PCDHA1: variants seen among roughly 807,000 people sequenced by gnomAD.
PCDHA1 encodes the protein protocadherin alpha 1.
Under a neutral mutation model 61.3 loss-of-function variants are expected in PCDHA1, and 42 were observed. The ratio of observed to expected loss-of-function variants is 0.69; its 90% CI spans 0.54 to 0.89. The LOEUF (loss-of-function observed/expected upper bound fraction) is 0.89. Ranked by LOEUF, PCDHA1 falls within the 40% of genes least tolerant of loss-of-function variation. The probability of loss-of-function intolerance (pLI) is 0.00; values close to 1 mark genes in which losing one functional copy is unlikely to be tolerated. For synonymous variants in PCDHA1, 610 were observed against 553.8 expected (o/e 1.10, Z -1.43); for missense variants, 1,256 against 1,235.3 (o/e 1.02, Z -0.25).
intron 1 of PCDHA1, among the ~76,000 whole-genome samples, chr5:140,977,388 T>C (rs1187960215): frequency 6.6e-6 from 1 of 152,248 alleles, no homozygotes; most frequent in East Asian, 1.9e-4. Flanking sequence ...TCCAGGTTTA[T>C]AAAATGATTT....
At chr5:140,926,371 G>A (rs1220733947) in intron 1 of PCDHA1, 1 of 152,352 alleles carries the variant, frequency 6.6e-6, no homozygotes, top group East Asian at 1.9e-4. Flanking sequence ...GCGGCAGGAA[G>A]AGCCCAGCTG....
chr5:140,950,556 A>G (rs2094497175), intron 1 of PCDHA1, among the ~76,000 whole-genome samples: 2 of 152,036 alleles, frequency 1.3e-5, no homozygotes, highest in Non-Finnish European at 2.9e-5. Context: ...CTGGGGGGAC[A>G]CTTATTTTAA....
At chr5:140,974,108 C>G (rs977903039) in intron 1 of PCDHA1, among the ~76,000 whole-genome samples, 1 of 152,182 alleles carries the variant, frequency 6.6e-6, no homozygotes, top group Non-Finnish European at 1.5e-5. Flanking sequence ...TAAAAGTATT[C>G]TTTTGCAGTG....
At chr5:140,982,589 T>C in intron 3 of PCDHA1, 26 bp downstream of exon 3, 1 of 1,610,940 alleles carries the variant, frequency 6.2e-7, no homozygotes, top group Non-Finnish European at 8.5e-7. Context: ...CTCTCCATTC[T>C]TTCTTGGTTT....
chr5:140,971,642 A>G (rs1586490477), intron 1 of PCDHA1, among the ~76,000 whole-genome samples: 1 of 152,330 alleles, frequency 6.6e-6, no homozygotes, highest in East Asian at 1.9e-4. Flanking sequence ...ATGTGCCTAC[A>G]TTAAAAGTAG....
chr5:140,902,465 T>C (rs535908878), intron 1 of PCDHA1, among the ~76,000 whole-genome samples: 4 of 152,280 alleles, frequency 2.6e-5, no homozygotes, highest in Non-Finnish European at 4.4e-5. Flanking sequence ...AGAAAAGGCT[T>C]TGAGTTTTTG....
intron 1 of PCDHA1, chr5:140,823,910 T>C: frequency 6.2e-7 from 1 of 1,613,972 alleles, no homozygotes. Flanking sequence ...CTGCTGGTGC[T>C]CACGCTGCTG....
chr5:140,945,409 T>C (rs945280530), intron 1 of PCDHA1, among the ~76,000 whole-genome samples: 4 of 152,116 alleles, frequency 2.6e-5, no homozygotes, highest in African/African-American at 9.7e-5. Flanking sequence ...ACAATTCGTA[T>C]CAAAATTTCA....
intron 1 of PCDHA1, chr5:140,795,637 A>G: frequency 6.2e-7 from 1 of 1,614,184 alleles, no homozygotes; most frequent in Non-Finnish European, 8.5e-7. Flanking sequence ...GCTCACGGGC[A>G]CCGTTCAAAT....
At chr5:140,863,770 G>C (rs953823411) in intron 1 of PCDHA1, 1 of 240,010 alleles carries the variant, frequency 4.2e-6, no homozygotes, top group African/African-American at 2.3e-5. Context: ...AAGCCGAGGC[G>C]GGCGGATCAC....
At chr5:140,874,935 G>T (rs2055180248) in intron 1 of PCDHA1, among the ~76,000 whole-genome samples, 1 of 152,168 alleles carries the variant, frequency 6.6e-6, no homozygotes, top group South Asian at 2.1e-4. Context: ...AAAAGTTATT[G>T]AAACAGCGGA....
intron 1 of PCDHA1, chr5:140,828,380 G>A: frequency 6.2e-7 from 1 of 1,603,638 alleles, no homozygotes; most frequent in South Asian, 1.1e-5. Flanking sequence ...GGAGCTGTGC[G>A]GGCGGAGCGC....
chr5:140,929,517 A>G, intron 1 of PCDHA1: 1 of 761,634 alleles, frequency 1.3e-6, no homozygotes, highest in Non-Finnish European at 1.9e-6. Context: ...CAAGGGACTT[A>G]TAGTTTATTT....
At chr5:140,808,647 A>G in intron 1 of PCDHA1, 1 of 1,613,334 alleles carries the variant, frequency 6.2e-7, no homozygotes, top group Non-Finnish European at 8.5e-7. Flanking sequence ...GCGCAGGAGA[A>G]CGCGCTGGTG....
At chr5:140,835,478 A>G (rs2150236474) in intron 1 of PCDHA1, 1 of 1,613,898 alleles carries the variant, frequency 6.2e-7, no homozygotes. Context: ...ACGCCCAACC[A>G]GGTACCGTCA....
intron 1 of PCDHA1, among the ~76,000 whole-genome samples, chr5:140,916,747 G>T (rs1445361224): frequency 2.6e-5 from 4 of 152,220 alleles, no homozygotes; most frequent in African/African-American, 9.6e-5. Context: ...TTCACTGCCT[G>T]GGATTAGGGG....
chr5:140,843,064 G>T (rs2150351494), intron 1 of PCDHA1: 2 of 1,595,268 alleles, frequency 1.3e-6, no homozygotes, highest in Non-Finnish European at 1.7e-6. Context: ...GCAAGCTGGT[G>T]CCGCGGTCTG....
At chr5:140,969,170 G>A in intron 1 of PCDHA1, 1 of 1,614,114 alleles carries the variant, frequency 6.2e-7, no homozygotes. Flanking sequence ...AGCAGGCTCA[G>A]GGAGTGACAC....
At chr5:140,834,566 G>C in intron 1 of PCDHA1, 1 of 1,614,096 alleles carries the variant, frequency 6.2e-7, no homozygotes, top group Non-Finnish European at 8.5e-7. Flanking sequence ...AGCTGGTGCC[G>C]CGCCTGTTCC....
Sources: gnomAD v4.1 joint callset for allele counts (sites outside exome capture counted in the v4.1 genomes callset) on GRCh38, gnomAD v4.1.1 for gene constraint, MANE v1.5 for transcripts, NCBI Gene and HGNC (gene_info 2026-07-23, HGNC 2026-07-21) for gene names.